The following RUSC2 variants were observed in gnomAD, a reference collection of about 807,000 sequenced individuals.
The protein encoded by RUSC2 is RUN and SH3 domain containing 2, also known as AP-4 complex accessory subunit RUSC2.
RUSC2 carries 34 observed loss-of-function variants against 122.2 expected under a neutral mutation model. That is an observed-to-expected ratio of 0.28 (90% CI 0.21 to 0.37). RUSC2 has a LOEUF of 0.37. Among genes scored for constraint, RUSC2 ranks in the 10% least tolerant of loss-of-function variants. The probability of loss-of-function intolerance (pLI) is 1.00; values close to 1 mark genes in which losing one functional copy is unlikely to be tolerated. For synonymous variants in RUSC2, 784 were observed against 790.0 expected, an observed-to-expected ratio of 0.99 and a Z score of 0.13; for missense variants, 1,747 against 1,952.4, an observed-to-expected ratio of 0.89 and a Z score of 1.98.
At chr9:35,529,680 C>A (rs1821384116) in intron 1 of RUSC2, among the ~76,000 whole-genome samples, 1 of 151,132 alleles carries the variant, frequency 6.6e-6, no homozygotes. Flanking sequence ...AGGGTCATGA[C>A]TGGATATAAA....
chr9:35,515,879 A>G (rs1044791431), intron 1 of RUSC2, among the ~76,000 whole-genome samples: 1 of 151,240 alleles, frequency 6.6e-6, no homozygotes, highest in Non-Finnish European at 1.5e-5. Flanking sequence ...CGCACCTCTA[A>G]TCTCAGCTAC....
Position 35,548,339 on chromosome 9 carries a change from G to C in RUSC2, c.1818G>C (p.Met606Ile), listed in dbSNP as rs752415800. 3.7e-6 allele frequency: 6 copies of C among 1,614,024 alleles called. No individual in the cohort carries two copies. The highest frequency in any genetic ancestry group is 5.1e-6 in the Non-Finnish European group (6 of 1,180,040). The change falls in exon 2 of 12, where the codon ATG becomes ATC. Residue 606 changes from methionine (M) to isoleucine (I), a missense_variant. By Grantham distance (10) the Met-to-Ile change is conservative. Transcript: ENST00000361226. This position sits in a 1 kb window ranked among gnomAD's most constrained non-coding sequence, Gnocchi z 4.5. ...CACCCATGCCTTTGGGGCCAGGCAT[G>C]GACCTACTTGGCCCAGACCCAAGTC... is the stretch of plus-strand genomic sequence containing the variant. ...SLPPMPLGPG[M>I]DLLGPDPSPP...
Position 35,561,278 on chromosome 9 carries a change from G to T in RUSC2, c.4447G>T (p.Asp1483Tyr). 6.2e-7 allele frequency: 1 copy of T among 1,614,156 alleles called. No individual in the cohort carries two copies. Among genetic ancestry groups the T allele is most frequent in the Non-Finnish European group, 8.5e-7 (1 of 1,180,012 alleles). ...ACGAGTGCTGGGGCGAGCTGGAGGAGACTGGCTGCGCTGCAGCCGTGGCCC... is the reference window on the plus strand; with the variant it reads ...ACGAGTGCTGGGGCGAGCTGGAGGATACTGGCTGCGCTGCAGCCGTGGCCC... Reference protein sequence around the residue: ...ILRVLGRAGGDWLRCSRGPDS... With the variant: ...ILRVLGRAGGYWLRCSRGPDS... Residue 1483 changes from aspartate to tyrosine, a missense_variant, in exon 12 of 12, where the codon GAC (aspartate) becomes TAC (tyrosine). Physicochemically the swap from Asp to Tyr is radical, Grantham distance 160 (BLOSUM62 -3). Transcript: ENST00000361226.
chr9:35,542,328 A>C (rs188250108), intron 1 of RUSC2, among the ~76,000 whole-genome samples: 64 of 152,326 alleles, frequency 4.2e-4, no homozygotes, highest in African/African-American at 1.5e-3. Context: ...TTAGAAGAAA[A>C]CATAGGTACA....
At chr9:35,549,041 A>AT (rs1821832973) in intron 2 of RUSC2, 2 of 982,200 alleles carry the variant, frequency 2.0e-6, no homozygotes, top group Non-Finnish European at 1.2e-6. Context: ...TCAAAAAAAA[A>AT]AAATAAATAA....
At chr9:35,494,667 T>A (rs985910682) in intron 1 of RUSC2, among the ~76,000 whole-genome samples, 8 of 151,838 alleles carry the variant, frequency 5.3e-5, no homozygotes, top group African/African-American at 1.9e-4. Flanking sequence ...TTGTAAGAGT[T>A]TTTTAATACA....
chr9:35,528,151 T>G (rs1404646318), intron 1 of RUSC2, among the ~76,000 whole-genome samples: 3 of 152,190 alleles, frequency 2.0e-5, no homozygotes, highest in African/African-American at 7.2e-5. Flanking sequence ...TTTGGAAGGC[T>G]GAGGCAGGAG....
chr9:35,559,995 C>G (rs1379960783), intron 9 of RUSC2, 34 bp from the exon 10 acceptor site: 12 of 1,527,298 alleles, frequency 7.9e-6, no homozygotes, highest in South Asian at 2.5e-5. Context: ...CTCTGGTTCT[C>G]TGTGTGGATC....
intron 1 of RUSC2, among the ~76,000 whole-genome samples, chr9:35,541,124 G>A (rs1322319491): frequency 1.3e-5 from 2 of 152,126 alleles, no homozygotes; most frequent in Admixed American, 1.3e-4. Context: ...TGGAGAGCAT[G>A]ACCTCATAAC....
chr9:35,499,137 A>C (rs946048710), intron 1 of RUSC2, among the ~76,000 whole-genome samples: 1 of 151,870 alleles, frequency 6.6e-6, no homozygotes, highest in Admixed American at 6.6e-5. Context: ...AAATACAAAA[A>C]TTAGCCAAGC....
At chr9:35,491,239 G>A (rs1820562038) in intron 1 of RUSC2, among the ~76,000 whole-genome samples, 1 of 152,220 alleles carries the variant, frequency 6.6e-6, no homozygotes, top group Non-Finnish European at 1.5e-5. Context: ...GCTGAGGGAT[G>A]AAACAATGGC....
At chr9:35,518,052 G>A (rs1347299800) in intron 1 of RUSC2, among the ~76,000 whole-genome samples, 2 of 152,178 alleles carry the variant, frequency 1.3e-5, no homozygotes, top group Admixed American at 6.5e-5. Flanking sequence ...CACTATCCTA[G>A]GCATGGGTAG....
At chr9:35,521,040 C>A (rs1034292044) in intron 1 of RUSC2, among the ~76,000 whole-genome samples, 1 of 152,202 alleles carries the variant, frequency 6.6e-6, no homozygotes, top group African/African-American at 2.4e-5. Context: ...TCTCTAGAGA[C>A]TTACAGCTAG....
chr9:35,556,856 G>A (rs1430451384), intron 5 of RUSC2, among the ~76,000 whole-genome samples: 1 of 152,204 alleles, frequency 6.6e-6, no homozygotes, highest in Non-Finnish European at 1.5e-5. Context: ...AAATCTCCAG[G>A]TGCTGGGAAG....
At chr9:35,501,605 C>T (rs1320858681) in intron 1 of RUSC2, among the ~76,000 whole-genome samples, 1 of 152,112 alleles carries the variant, frequency 6.6e-6, no homozygotes, top group Admixed American at 6.5e-5. Flanking sequence ...ACAGATATTT[C>T]TTCTACTGAG....
At chr9:35,556,165 CG>C in intron 4 of RUSC2, 28 bp downstream of exon 4, 4 of 1,610,256 alleles carry the variant, frequency 2.5e-6, no homozygotes, top group Non-Finnish European at 3.4e-6. Flanking sequence ...CCAGTACACC[CG>C]GGGCAGGCTC....
In RUSC2 at chr9:35,548,405, T is replaced by C. The variant is rs763835434; in HGVS notation, c.1884T>C (p.Ser628=). The stretch of plus-strand genomic sequence containing the variant: ...AGGTCTGTCAGGGACCCCACTCCAG[T>C]GAGATGCCTCCTGCTGGCCTCAGAG... ...STQVCQGPHS[S]EMPPAGLRAT... Residue 628 remains serine, a synonymous_variant, in exon 2 of 12, where the codon AGT becomes AGC. Coordinates refer to ENST00000361226, the MANE Select transcript of RUSC2 (RefSeq NM_014806.5). The surrounding 1 kb of genome is among the most constrained non-coding windows in gnomAD (Gnocchi z 4.5). 6.1e-5 allele frequency: 98 copies of C among 1,613,082 alleles called. No homozygotes were observed. Among genetic ancestry groups the C allele is most frequent in the Non-Finnish European group, 8.1e-5 (95 of 1,179,270 alleles).
chr9:35,499,952 T>A (rs1820791350), intron 1 of RUSC2, among the ~76,000 whole-genome samples: 1 of 152,240 alleles, frequency 6.6e-6, no homozygotes, highest in Non-Finnish European at 1.5e-5. Flanking sequence ...TACTTGTTTT[T>A]TGAAAGTTGT....
chr9:35,499,147 C>T (rs989552038), intron 1 of RUSC2, among the ~76,000 whole-genome samples: 3 of 151,502 alleles, frequency 2.0e-5, no homozygotes, highest in Non-Finnish European at 2.9e-5. Flanking sequence ...ATTAGCCAAG[C>T]GTGGTGGCAT....
Sources: gnomAD v4.1 joint callset for allele counts (sites outside exome capture counted in the v4.1 genomes callset) on GRCh38, gnomAD v4.1.1 for gene constraint, Gnocchi (gnomAD v3.1) non-coding constraint, MANE v1.5 for transcripts, NCBI Gene and HGNC (gene_info 2026-07-23, HGNC 2026-07-21) for gene names.